Variants in GAPDHS observed in about 807,000 individuals in gnomAD.
GAPDHS encodes glyceraldehyde-3-phosphate dehydrogenase, testis-specific.
GAPDHS carries 42 observed loss-of-function variants against 48.7 expected under a neutral mutation model. The observed-to-expected ratio is 0.86, with a 90% CI of 0.67 to 1.12. GAPDHS has a LOEUF of 1.12. Among genes scored for constraint, GAPDHS ranks in the 50% most tolerant of loss-of-function variants. The pLI is 0.00. For synonymous variants in GAPDHS, 166 were observed against 219.1 expected (o/e 0.76, Z 2.14); for missense variants, 512 against 557.7 (o/e 0.92, Z 0.82).
Position 35,545,127 on chromosome 19 carries a change from G to T in GAPDHS, c.1184G>T (p.Arg395Leu). The change falls in exon 11 of 11, where the codon CGG becomes CTG. Residue 395 changes from arginine to leucine, a missense_variant. Coordinates refer to ENST00000222286, the MANE Select transcript of GAPDHS (RefSeq NM_014364.5). The stretch of plus-strand genomic sequence containing the variant: ...GACAACGAATATGGCTACAGTCACC[G>T]GGTGGTCGACCTCCTCCGCTACATG... The part of the protein sequence containing the change: ...WYDNEYGYSH[R>L]VVDLLRYMFS... 1 of 1,614,062 alleles carries T rather than the reference G, an allele frequency of 6.2e-7. No individual in the cohort carries two copies. Among genetic ancestry groups the T allele is most frequent in the Non-Finnish European group, 8.5e-7 (1 of 1,179,960 alleles).
chr19:35,536,929 C>T lies in GAPDHS; in HGVS notation c.184C>T (p.Pro62Ser), dbSNP rs139207115. ...KPPPPPLPPH[P>S]ATPPPKMVSV... ...ACCACCGCCACCACTGCCTCCTCAC[C>T]CCGCTACTCCTCCTCCTAAGATGGT... Residue 62 changes from proline to serine, a missense_variant, in exon 2 of 11, where the codon CCC becomes TCC. By Grantham distance (74) the Pro-to-Ser change is moderately conservative. Transcript: ENST00000222286. 2 of 1,614,046 alleles carry T rather than the reference C, an allele frequency of 1.2e-6. No individual in the cohort carries two copies. Among genetic ancestry groups the T allele is most frequent in the African/African-American group, 2.7e-5 (2 of 74,906 alleles).
At chr19:35,542,189 G>C (rs1323475840) in intron 4 of GAPDHS, 130 bp from the exon 5 acceptor site, 1 of 662,706 alleles carries the variant, frequency 1.5e-6, no homozygotes, top group Non-Finnish European at 2.8e-6. Flanking sequence ...AAGTAGGTGT[G>C]TGGGGTAGGG....
intron 2 of GAPDHS, 40 bp downstream of exon 2, chr19:35,537,030 A>G: frequency 6.7e-7 from 1 of 1,503,604 alleles, no homozygotes; most frequent in Non-Finnish European, 9.1e-7. Flanking sequence ...GAAGCCTTAG[A>G]GCCCAGCCCC....
At chr19:35,542,922 C>T (rs779878299) in intron 6 of GAPDHS, 23 bp from the exon 7 acceptor site, 12 of 1,593,224 alleles carry the variant, frequency 7.5e-6, no homozygotes, top group South Asian at 5.5e-5. Flanking sequence ...TCACAGTGTC[C>T]GTGCACACCT....
Position 35,536,890 on chromosome 19 carries a change from G to A in GAPDHS, c.145G>A (p.Glu49Lys), listed in dbSNP as rs996356402. The A allele has an allele frequency of 1.9e-6, 3 of 1,613,854 alleles. No individual in the cohort carries two copies. The African/African-American group carries it at 4.0e-5, about 22-fold the overall frequency. ...ACAACCAGAGCCCACACCAGTCAGGGAGGAAATAAAGCCACCACCGCCACC... is the reference window on the plus strand; with the variant it reads ...ACAACCAGAGCCCACACCAGTCAGGAAGGAAATAAAGCCACCACCGCCACC... ...QPQPEPTPVR[E>K]EIKPPPPPLP... The change falls in exon 2 of 11, where the codon GAG becomes AAG. Residue 49 changes from glutamate (E) to lysine (K), a missense_variant. Physicochemically the swap from Glu to Lys is moderately conservative, Grantham distance 56. Coordinates refer to ENST00000222286, the MANE Select transcript of GAPDHS (RefSeq NM_014364.5).
At chr19:35,536,031 C>T (rs921809291) in intron 1 of GAPDHS, among the ~76,000 whole-genome samples, 4 of 151,972 alleles carry the variant, frequency 2.6e-5, no homozygotes, top group Admixed American at 6.6e-5. Context: ...TGAGCCACCA[C>T]GCCTGGCCAC....
intron 8 of GAPDHS, 62 bp from the exon 9 acceptor site, chr19:35,543,603 A>G: frequency 2.5e-6 from 4 of 1,589,862 alleles, no homozygotes; most frequent in Non-Finnish European, 2.6e-6. Flanking sequence ...CCACAGGGAA[A>G]GGGGGAATGG....
intron 4 of GAPDHS, chr19:35,541,282 C>A (rs2071500509): frequency 6.6e-6 from 1 of 151,276 alleles, no homozygotes; most frequent in African/African-American, 2.4e-5. Flanking sequence ...AAAAGTGAGA[C>A]CCCATCTCTA....
chr19:35,543,148 G>C lies in GAPDHS; in HGVS notation c.741+122G>C. 9 of 967,762 alleles carry C rather than the reference G, an allele frequency of 9.3e-6. No individual in the cohort carries two copies. In the South Asian group the frequency reaches 1.3e-4, roughly 14 times the overall value. The allele number at this position is 967,762 out of a possible 1,614,324, so 59.9% of individuals were successfully genotyped here. A position where few individuals can be genotyped will look rare whatever the true frequency, so the allele number is the denominator to read the frequency against. Reference sequence around the variant, plus strand: ...TGGTTTCGGGAGGAGAGGCCCACCAGTGCAGAAGTCACTTAAAACACTGTG... The same window carrying C: ...TGGTTTCGGGAGGAGAGGCCCACCACTGCAGAAGTCACTTAAAACACTGTG... On this transcript the variant is annotated intron_variant, in intron 7 of 10. Coordinates refer to ENST00000222286, the MANE Select transcript of GAPDHS (RefSeq NM_014364.5).
At chr19:35,535,920 A>G (rs2071463217) in intron 1 of GAPDHS, among the ~76,000 whole-genome samples, 1 of 151,484 alleles carries the variant, frequency 6.6e-6, no homozygotes, top group Admixed American at 6.6e-5. Flanking sequence ...CAGTATTTTT[A>G]GTAGAGAACA....
At chr19:35,543,292 G>A (rs1455806553) in intron 7 of GAPDHS, 48 bp from the exon 8 acceptor site, 8 of 1,594,014 alleles carry the variant, frequency 5.0e-6, no homozygotes, top group Non-Finnish European at 6.8e-6. Context: ...AAGAGGCATG[G>A]GAGCTTAGGA....
At chr19:35,538,094 T>C (rs2071477513) in intron 2 of GAPDHS, among the ~76,000 whole-genome samples, 1 of 151,884 alleles carries the variant, frequency 6.6e-6, no homozygotes, top group Admixed American at 6.6e-5. Context: ...TATATATATA[T>C]ATGTATATAT....
chr19:35,538,746 C>A, intron 4 of GAPDHS, 63 bp downstream of exon 4: 2 of 1,049,876 alleles, frequency 1.9e-6, no homozygotes, highest in Non-Finnish European at 3.0e-6. Flanking sequence ...GTGGAGGTGG[C>A]TAAAATGGGA....
intron 2 of GAPDHS, among the ~76,000 whole-genome samples, chr19:35,537,691 G>A (rs78466239): frequency 0.029 from 4,349 of 152,184 alleles, 182 homozygotes; most frequent in African/African-American, 0.099. Context: ...ACCAGCGTGG[G>A]CAACATAGCG....
intron 2 of GAPDHS, among the ~76,000 whole-genome samples, chr19:35,537,795 C>A (rs762181233): frequency 6.6e-6 from 1 of 151,996 alleles, no homozygotes; most frequent in Non-Finnish European, 1.5e-5. Flanking sequence ...GGGTTAGGAG[C>A]CAGGCGCAGT....
rs1226973936 is a variant in GAPDHS, at chr19:35,545,120, A to G, written c.1177A>G (p.Ser393Gly). 6.2e-7 allele frequency: 1 copy of G among 1,614,122 alleles called. No homozygotes were observed. The highest frequency in any genetic ancestry group is 1.7e-5 in the Admixed American group (1 of 60,036). Residue 393 changes from serine to glycine, a missense_variant, in exon 11 of 11, where the codon AGT (serine) becomes GGT (glycine). Ser to Gly is a moderately conservative substitution (Grantham distance 56). Transcript: ENST00000222286. ...ISWYDNEYGYSHRVVDLLRYM... is the reference protein window; with the variant it reads ...ISWYDNEYGYGHRVVDLLRYM... Reference sequence around the variant, plus strand: ...CAGGTACGACAACGAATATGGCTACAGTCACCGGGTGGTCGACCTCCTCCG... The same window carrying G: ...CAGGTACGACAACGAATATGGCTACGGTCACCGGGTGGTCGACCTCCTCCG...
At chr19:35,538,905 G>C (rs1334743221) in intron 4 of GAPDHS, among the ~76,000 whole-genome samples, 1 of 152,168 alleles carries the variant, frequency 6.6e-6, no homozygotes. Flanking sequence ...CTGTACTGAA[G>C]AATGCTTTTT....
chr19:35,536,566 ACT>A (rs1173584984), intron 1 of GAPDHS, among the ~76,000 whole-genome samples: 1 of 150,736 alleles, frequency 6.6e-6, no homozygotes, highest in Non-Finnish European at 1.5e-5. Context: ...ACAGAGCAAT[ACT>A]CTGTCTCGGG....
chr19:35,543,053 A>G, intron 7 of GAPDHS, 27 bp downstream of exon 7: 1 of 1,545,390 alleles, frequency 6.5e-7, no homozygotes, highest in Non-Finnish European at 9.0e-7. Flanking sequence ...GGGCTGGGGC[A>G]GGAAGGATGG....
Sources: gnomAD v4.1 joint callset for allele counts (sites outside exome capture counted in the v4.1 genomes callset) on GRCh38, gnomAD v4.1.1 for gene constraint, MANE v1.5 for transcripts, NCBI Gene and HGNC (gene_info 2026-07-23, HGNC 2026-07-21) for gene names.